TMEM181: variants seen among roughly 807,000 people sequenced by gnomAD.
TMEM181 encodes the protein transmembrane protein 181.
Under a neutral mutation model 71.9 loss-of-function variants are expected in TMEM181, and 39 were observed. That is an observed-to-expected ratio of 0.54 (90% CI 0.42 to 0.71). The LOEUF (loss-of-function observed/expected upper bound fraction) is 0.71. TMEM181 is among the 30% of genes least tolerant of loss of function. The pLI, the probability that TMEM181 is intolerant of heterozygous loss-of-function variation, is 0.00. For missense variants in TMEM181, 595 were observed against 583.0 expected (o/e 1.02, Z -0.21); for synonymous variants, 245 against 228.8 (o/e 1.07, Z -0.64).
At chr6:158,580,147 A>G (rs9456326) in intron 2 of TMEM181, among the ~76,000 whole-genome samples, 59,908 of 151,994 alleles carry the variant, frequency 0.39, 12,208 homozygotes, top group Middle Eastern at 0.52. Context: ...CCTGACCAAC[A>G]TGGTGAAACC....
intron 1 of TMEM181, among the ~76,000 whole-genome samples, chr6:158,571,797 A>G (rs1782865034): frequency 6.6e-6 from 1 of 152,238 alleles, no homozygotes; most frequent in South Asian, 2.1e-4. Context: ...GTGCAGGTGC[A>G]GAGGGCAGGG....
At chr6:158,630,014 G>A (rs141807650) in intron 15 of TMEM181, among the ~76,000 whole-genome samples, 195 bp downstream of exon 15, 366 of 152,284 alleles carry the variant, frequency 2.4e-3, no homozygotes, top group Non-Finnish European at 4.0e-3. Flanking sequence ...AACCTGCGTT[G>A]TGTCATTCCC....
At chr6:158,560,418 A>T (rs1782091689) in intron 1 of TMEM181, among the ~76,000 whole-genome samples, 186 bp downstream of exon 1, 1 of 151,682 alleles carries the variant, frequency 6.6e-6, no homozygotes, top group Admixed American at 6.6e-5. Flanking sequence ...GCGGGGCGAG[A>T]GTAGACCGGG....
intron 1 of TMEM181, among the ~76,000 whole-genome samples, chr6:158,563,002 A>T (rs1478692762): frequency 6.6e-6 from 1 of 152,186 alleles, no homozygotes; most frequent in Non-Finnish European, 1.5e-5. Context: ...CACACTCCTG[A>T]CTGCTGTACT....
In TMEM181 at chr6:158,633,108, T is replaced by C. The variant is rs1261435996; in HGVS notation, c.*1220T>C. On this transcript the variant is annotated 3_prime_UTR_variant, in exon 17 of 17. Transcript: ENST00000684151. ...CTACATGAAAGATTGATAGAATATT[T>C]TAGATTATTTATTGGCCAAAAGTTT... The C allele has an allele frequency of 6.6e-6, 1 of 152,180 alleles. No homozygotes were observed. Among genetic ancestry groups the C allele is most frequent in the Admixed American group, 6.5e-5 (1 of 15,278 alleles). 9.4% of individuals were successfully genotyped at this position (152,180 alleles called of 1,614,324 possible). A position where few individuals can be genotyped will look rare whatever the true frequency, so the allele number is the denominator to read the frequency against.
intron 1 of TMEM181, among the ~76,000 whole-genome samples, chr6:158,544,182 A>AGAGTGTGTGT (rs149735409): frequency 4.7e-5 from 6 of 127,648 alleles, no homozygotes; most frequent in African/African-American, 1.8e-4. Context: ...AATTGGAGAG[A>AGAGTGTGTGT]GTGTGTGTGT....
Position 158,606,239 on chromosome 6 carries a change from G to A in TMEM181, c.573+892G>A, listed in dbSNP as rs574957676. ...GCCACAGGGAGCTGGAGGGAAGGGC[G>A]TGGGCGCTAGAGCCACAGGGAGCTG... On this transcript the variant is annotated intron_variant, in intron 7 of 16. Transcript: ENST00000684151. Among the ~76,000 whole-genome samples the A allele has an allele frequency of 2.4e-3, 366 of 151,392 alleles. 5 individuals are homozygous for A. Among genetic ancestry groups the A allele is most frequent in the Admixed American group, 0.022 (339 of 15,176 alleles).
chr6:158,607,399 G>A, intron 8 of TMEM181, 56 bp downstream of exon 8: 1 of 1,525,384 alleles, frequency 6.6e-7, no homozygotes, highest in Non-Finnish European at 9.1e-7. Flanking sequence ...AAAGCTGGAG[G>A]CCAGGTGCAG....
At chr6:158,606,937 TGA>T (rs1481328047) in intron 7 of TMEM181, among the ~76,000 whole-genome samples, 7 of 152,322 alleles carry the variant, frequency 4.6e-5, no homozygotes, top group Admixed American at 1.3e-4. Context: ...GCCGTGGTGG[TGA>T]GAGGGTGGGT....
At chr6:158,586,419 C>T (rs1447572609) in intron 5 of TMEM181, among the ~76,000 whole-genome samples, 1 of 152,200 alleles carries the variant, frequency 6.6e-6, no homozygotes, top group Non-Finnish European at 1.5e-5. Flanking sequence ...CTCATTGTCT[C>T]ATTCAGTCCT....
intron 6 of TMEM181, among the ~76,000 whole-genome samples, chr6:158,595,294 A>G (rs970483416): frequency 6.6e-6 from 1 of 152,230 alleles, no homozygotes; most frequent in African/African-American, 2.4e-5. Context: ...GAAGTAAACA[A>G]GCTATAATGA....
chr6:158,581,111 C>T, intron 3 of TMEM181, 116 bp downstream of exon 3: 1 of 946,994 alleles, frequency 1.1e-6, no homozygotes, highest in South Asian at 1.8e-5. Context: ...TGCGGCTTCT[C>T]AGGCAACACA....
At chr6:158,597,555 C>A (rs1378226533) in intron 6 of TMEM181, among the ~76,000 whole-genome samples, 1 of 151,986 alleles carries the variant, frequency 6.6e-6, no homozygotes, top group Non-Finnish European at 1.5e-5. Flanking sequence ...ATCTAGAGTG[C>A]AGTGGCACGA....
chr6:158,541,556 T>C (rs1004345037), intron 1 of TMEM181, among the ~76,000 whole-genome samples: 1 of 152,244 alleles, frequency 6.6e-6, no homozygotes, highest in Non-Finnish European at 1.5e-5. Context: ...CACGTCTCCC[T>C]CTCCCCACAC....
intron 6 of TMEM181, among the ~76,000 whole-genome samples, chr6:158,600,458 A>ATTT (rs61457107): frequency 1.1e-4 from 10 of 91,866 alleles, no homozygotes; most frequent in South Asian, 4.1e-4. Context: ...CCTAGGGTTA[A>ATTT]TTTTTTTTTT....
rs141878055 is a variant in TMEM181 at position 158,590,613 on chromosome 6, G to A, written c.492+831G>A. 7.9e-5 allele frequency among the ~76,000 whole-genome samples: 12 copies of A among 152,264 alleles called. No individual in the cohort carries two copies. In the East Asian group the frequency reaches 2.1e-3, roughly 27 times the overall value. Reference sequence around the variant, plus strand: ...CAAGTAGCTGGGATTACAAGTGTGTGCCACCATGCCCAGCTAATTTTTGTA... The same window carrying A: ...CAAGTAGCTGGGATTACAAGTGTGTACCACCATGCCCAGCTAATTTTTGTA... On this transcript the variant is annotated intron_variant, in intron 6 of 16. Coordinates refer to ENST00000684151, the MANE Select transcript of TMEM181 (RefSeq NM_001376852.1).
intron 10 of TMEM181, among the ~76,000 whole-genome samples, chr6:158,617,851 TA>T (rs1201650295): frequency 6.6e-6 from 1 of 152,236 alleles, no homozygotes; most frequent in Non-Finnish European, 1.5e-5. Flanking sequence ...GACAGTTTGT[TA>T]TAATTTCTGT....
chr6:158,556,038 G>T (rs1441104910), upstream of TMEM181, among the ~76,000 whole-genome samples: 1 of 152,126 alleles, frequency 6.6e-6, no homozygotes, highest in Non-Finnish European at 1.5e-5. Context: ...GAAAAGACAC[G>T]TCTCAGAGAC....
At chr6:158,599,332 G>A (rs895213564) in intron 6 of TMEM181, among the ~76,000 whole-genome samples, 17 of 152,166 alleles carry the variant, frequency 1.1e-4, no homozygotes, top group Admixed American at 1.0e-3. Context: ...GTGGGCACTT[G>A]TTCCAAAGGT....
Sources: allele counts gnomAD v4.1 joint callset (sites outside exome capture counted in the v4.1 genomes callset), GRCh38; gene constraint gnomAD v4.1.1; transcripts MANE v1.5; gene names NCBI Gene and HGNC (gene_info 2026-07-23, HGNC 2026-07-21).